FANCA: variants seen among roughly 807,000 people sequenced by gnomAD.
FANCA encodes FA complementation group A, also known as Fanconi anemia group A protein.
FANCA carries 236 observed loss-of-function variants against 194.3 expected under a neutral mutation model. The observed-to-expected ratio is 1.21, with a 90% CI of 1.09 to 1.35. The LOEUF is 1.35. Among genes scored for constraint, FANCA ranks in the 40% most tolerant of loss-of-function variants. The pLI, the probability that FANCA is intolerant of heterozygous loss-of-function variation, is 0.00. For missense variants in FANCA, 2,628 were observed against 1,813.9 expected (o/e 1.45, Z -8.15); for synonymous variants, 1,014 against 715.8 (o/e 1.42, Z -6.65).
At chr16:89,754,989 A>G (rs1384693159) in intron 30 of FANCA, among the ~76,000 whole-genome samples, 2 of 152,180 alleles carry the variant, frequency 1.3e-5, no homozygotes, top group Non-Finnish European at 2.9e-5. Flanking sequence ...TCCCAATTTT[A>G]AAACCTACTA....
chr16:89,806,529 A>C (rs911866571), intron 6 of FANCA, among the ~76,000 whole-genome samples: 1 of 151,334 alleles, frequency 6.6e-6, no homozygotes, highest in African/African-American at 2.4e-5. Context: ...TGGGTACTTG[A>C]GATTAGGGAG....
In FANCA at chr16:89,739,737, G is replaced by A. The variant is rs573711503; in HGVS notation, c.3935-184C>T. 1.6e-5 allele frequency: 24 copies of A among 1,492,946 alleles called. No individual in the cohort carries two copies. The East Asian group carries it at 1.7e-4, about 11-fold the overall frequency. The allele number at this position is 1,492,946 out of a possible 1,614,324, so 92.5% of individuals were successfully genotyped here. On this transcript the variant is annotated intron_variant, in intron 39 of 42. Coordinates refer to ENST00000389301, the MANE Select transcript of FANCA (RefSeq NM_000135.4). ...GCAGCTGGGAGAGGATGGGGGGGTC[G>A]ACCTCTTGCAGGAGGGTGGGTGTGG...
rs17232917 is a variant in FANCA, at chr16:89,773,344, C to G, written c.1941G>C (p.Glu647Asp). ...CAGCTGTGAGCTGTCCCAGGGGCTC[C>G]TCAGCAGAGTTGGGTTCTGCCCTCA... ...LGVRAEPNSA[E>D]EPLGQLTAAL... The change falls in exon 22 of 43, where the codon GAG becomes GAC. Residue 647 changes from glutamate to aspartate, a missense_variant. Physicochemically the swap from Glu to Asp is conservative, Grantham distance 45. Transcript: ENST00000389301. The G allele has an allele frequency of 6.4e-7, 1 of 1,551,458 alleles. No individual in the cohort carries two copies. Among genetic ancestry groups the G allele is most frequent in the African/African-American group, 1.4e-5 (1 of 73,008 alleles).
At position 89,748,696 on chromosome 16, in the gene FANCA, C is replaced by A; in HGVS notation, c.3311G>T (p.Arg1104Ile). The part of the protein sequence containing the change: ...SFQAEQPITA[R>I]CEQFFHLVNS... Reference sequence around the variant, plus strand: ...GACCAAGTGGAAGAACTGCTCGCATCTGGCAGTGATGGGCTGTTCTGCCTG... The same window carrying A: ...GACCAAGTGGAAGAACTGCTCGCATATGGCAGTGATGGGCTGTTCTGCCTG... The change falls in exon 33 of 43, where the codon AGA becomes ATA. Residue 1104 changes from arginine to isoleucine, a missense_variant. Arg to Ile is a moderately conservative substitution (Grantham distance 97). Transcript: ENST00000389301. 1 of 1,614,172 alleles carries A rather than the reference C, an allele frequency of 6.2e-7. No homozygotes were observed. The highest frequency in any genetic ancestry group is 8.5e-7 in the Non-Finnish European group (1 of 1,180,024).
intron 31 of FANCA, among the ~76,000 whole-genome samples, chr16:89,751,731 A>G (rs894186688): frequency 6.6e-6 from 1 of 152,100 alleles, no homozygotes; most frequent in African/African-American, 2.4e-5. Flanking sequence ...TCGGACTCCC[A>G]AAGTACTGGG....
At chr16:89,792,161 GC>G in intron 12 of FANCA, 93 bp from the exon 13 acceptor site, 2 of 1,451,380 alleles carry the variant, frequency 1.4e-6, no homozygotes, top group Non-Finnish European at 1.9e-6. Flanking sequence ...GGCCACCGCA[GC>G]CCCCTCACTT....
chr16:89,767,625 T>C (rs2039175660), intron 26 of FANCA, among the ~76,000 whole-genome samples: 1 of 152,150 alleles, frequency 6.6e-6, no homozygotes, highest in East Asian at 1.9e-4. Context: ...TTCGGCTCAC[T>C]GCACCCTCCA....
At chr16:89,742,577 A>G (rs2062160167) in intron 37 of FANCA, among the ~76,000 whole-genome samples, 1 of 149,996 alleles carries the variant, frequency 6.7e-6, no homozygotes, top group Non-Finnish European at 1.5e-5. Context: ...TGGGAGGCCA[A>G]GGCGGGAGGA....
intron 20 of FANCA, chr16:89,778,294 T>G (rs868866690): frequency 1.1e-5 from 3 of 263,466 alleles, no homozygotes; most frequent in Non-Finnish European, 2.2e-5. Flanking sequence ...GGCAAAACCC[T>G]GTCTGTACTA....
intron 14 of FANCA, among the ~76,000 whole-genome samples, chr16:89,789,123 T>C (rs765026212): frequency 5.3e-5 from 8 of 151,880 alleles, no homozygotes; most frequent in Non-Finnish European, 1.0e-4. Flanking sequence ...CAAACACCTC[T>C]CCTCTTAGTT....
intron 31 of FANCA, among the ~76,000 whole-genome samples, chr16:89,750,883 A>G (rs913084678): frequency 8.6e-5 from 13 of 151,442 alleles, no homozygotes; most frequent in African/African-American, 2.4e-5. Context: ...TTTTTGCCTC[A>G]CAAGTCTTTT....
chr16:89,747,243 G>A (rs1173435711), intron 33 of FANCA, among the ~76,000 whole-genome samples: 1 of 152,220 alleles, frequency 6.6e-6, no homozygotes, highest in Non-Finnish European at 1.5e-5. Flanking sequence ...CCATCCTCTG[G>A]TCCCTTCACT....
intron 15 of FANCA, among the ~76,000 whole-genome samples, chr16:89,784,608 G>C (rs1480855646): frequency 6.6e-6 from 1 of 152,070 alleles, no homozygotes; most frequent in Non-Finnish European, 1.5e-5. Context: ...GTGAGAAAAG[G>C]GTTTCTTAGC....
intron 14 of FANCA, 55 bp downstream of exon 14, chr16:89,791,348 T>A: frequency 6.2e-7 from 1 of 1,600,986 alleles, no homozygotes; most frequent in South Asian, 1.1e-5. Context: ...TGGTCCCCAC[T>A]CCCAGGCCTT....
chr16:89,799,254 G>C (rs370920154), intron 9 of FANCA, 22 bp from the exon 10 acceptor site: 1 of 1,613,560 alleles, frequency 6.2e-7, no homozygotes, highest in African/African-American at 1.3e-5. Flanking sequence ...GCCAGGAACA[G>C]AAAACAGATG....
At chr16:89,763,338 G>A (rs2039016412) in intron 28 of FANCA, among the ~76,000 whole-genome samples, 1 of 152,046 alleles carries the variant, frequency 6.6e-6, no homozygotes. Flanking sequence ...CATATTGGCA[G>A]GCCAAAGCAG....
At chr16:89,785,649 T>C (rs1052797215) in intron 14 of FANCA, among the ~76,000 whole-genome samples, 2 of 152,130 alleles carry the variant, frequency 1.3e-5, no homozygotes, top group Admixed American at 6.6e-5. Flanking sequence ...GAACGCATCA[T>C]AGTGAACCTG....
In FANCA at chr16:89,769,682, A is replaced by C. The variant is rs985610913; in HGVS notation, c.2504+155T>G. 14 of 791,704 alleles carry C rather than the reference A, an allele frequency of 1.8e-5. No individual in the cohort carries two copies. In the Admixed American group the frequency reaches 2.1e-4, roughly 12 times the overall value. 49.0% of individuals were successfully genotyped at this position (791,704 alleles called of 1,614,324 possible). On this transcript the variant is annotated intron_variant, in intron 26 of 42. Transcript: ENST00000389301. ...CGCACGCATATTATAAACAAATGAC[A>C]GATAAAATTCTGGAAGGATATATAC...
Position 89,738,465 on chromosome 16 carries a change from A to C in FANCA, c.*136T>G. 3.4e-6 allele frequency: 5 copies of C among 1,454,246 alleles called. No homozygotes were observed. Among genetic ancestry groups the C allele is most frequent in the African/African-American group, 1.4e-5 (1 of 71,450 alleles). 90.1% of individuals were successfully genotyped at this position (1,454,246 alleles called of 1,614,324 possible). On this transcript the variant is annotated 3_prime_UTR_variant, in exon 43 of 43. Transcript: ENST00000389301. ...AGTGACTCGGGGCCGGACAGTTCATAAATAATTGATTCCTTTCCCCACTAA... is the reference window on the plus strand; with the variant it reads ...AGTGACTCGGGGCCGGACAGTTCATCAATAATTGATTCCTTTCCCCACTAA...
Sources: gnomAD v4.1 joint callset for allele counts (sites outside exome capture counted in the v4.1 genomes callset) on GRCh38, gnomAD v4.1.1 for gene constraint, MANE v1.5 for transcripts, NCBI Gene and HGNC (gene_info 2026-07-23, HGNC 2026-07-21) for gene names.